The following WWOX variants were observed in gnomAD, a reference collection of about 807,000 sequenced individuals.
WWOX encodes WW domain containing oxidoreductase.
Under a neutral mutation model 46.2 loss-of-function variants are expected in WWOX, and 69 were observed. That is an observed-to-expected ratio of 1.49 (90% CI 1.23 to 1.82). The LOEUF is 1.82. Among genes scored for constraint, WWOX ranks in the 40% most tolerant of loss-of-function variants. WWOX has a pLI of 0.00. For missense variants in WWOX, 919 were observed against 542.6 expected (o/e 1.69, Z -6.89); for synonymous variants, 359 against 202.6 (o/e 1.77, Z -6.56).
At chr16:78,433,784 T>A in intron 8 of WWOX, among the ~76,000 whole-genome samples, 1 of 100,176 alleles carries the variant, frequency 1.0e-5, no homozygotes, top group Non-Finnish European at 1.8e-5. Context: ...TGACTTTTTT[T>A]TTTTTTTTTT....
At chr16:78,980,296 C>T (rs1363065232) in intron 8 of WWOX, among the ~76,000 whole-genome samples, 1 of 152,124 alleles carries the variant, frequency 6.6e-6, no homozygotes. Flanking sequence ...AGGTAGTTTG[C>T]CAAAGATGGC....
chr16:78,121,587 G>T, intron 4 of WWOX, among the ~76,000 whole-genome samples: 1 of 151,994 alleles, frequency 6.6e-6, no homozygotes, highest in East Asian at 1.9e-4. Context: ...TATAATAGGG[G>T]TGTGTGTATG....
intron 8 of WWOX, among the ~76,000 whole-genome samples, chr16:78,458,421 G>A (rs1457291569): frequency 6.6e-6 from 1 of 151,754 alleles, no homozygotes; most frequent in African/African-American, 2.4e-5. Flanking sequence ...CACCATGTTC[G>A]GCTAATGTTT....
intron 5 of WWOX, chr16:78,278,753 C>T (rs983920548): frequency 9.6e-6 from 11 of 1,148,774 alleles, no homozygotes; most frequent in Non-Finnish European, 1.4e-5. Flanking sequence ...ACTTCTATCT[C>T]GGTGATCTGA....
At chr16:79,125,983 T>G (rs1421379711) in intron 8 of WWOX, among the ~76,000 whole-genome samples, 2 of 152,218 alleles carry the variant, frequency 1.3e-5, no homozygotes, top group African/African-American at 4.8e-5. Context: ...AACACCTCTT[T>G]CAGTACATAC....
At chr16:78,124,089 T>C (rs184321443) in intron 4 of WWOX, 6 of 152,276 alleles carry the variant, frequency 3.9e-5, no homozygotes. Flanking sequence ...AGGAATACAC[T>C]TTGGCTTTAC....
intron 6 of WWOX, among the ~76,000 whole-genome samples, chr16:78,416,890 C>T (rs892632916): frequency 1.3e-5 from 2 of 152,148 alleles, no homozygotes; most frequent in Admixed American, 6.5e-5. Flanking sequence ...CACAGATTCA[C>T]AGGGGTGAAC....
chr16:78,629,879 A>T (rs1166827353), intron 8 of WWOX, among the ~76,000 whole-genome samples: 1 of 152,218 alleles, frequency 6.6e-6, no homozygotes, highest in Admixed American at 6.5e-5. Flanking sequence ...GTTTTTAGAA[A>T]ATTATCTAAG....
At chr16:78,308,921 CTA>C (rs2080182244) in intron 5 of WWOX, among the ~76,000 whole-genome samples, 1 of 152,134 alleles carries the variant, frequency 6.6e-6, no homozygotes, top group African/African-American at 2.4e-5. Context: ...TCAGACAGTC[CTA>C]TCTGTTGATC....
chr16:79,155,244 C>A (rs538586277), intron 8 of WWOX, among the ~76,000 whole-genome samples: 1 of 152,130 alleles, frequency 6.6e-6, no homozygotes, highest in South Asian at 2.1e-4. Flanking sequence ...GGCATGGTGG[C>A]GTGTGCCTGT....
chr16:78,923,584 G>T (rs1236732537), intron 8 of WWOX, among the ~76,000 whole-genome samples: 2 of 151,948 alleles, frequency 1.3e-5, no homozygotes, highest in African/African-American at 4.8e-5. Flanking sequence ...TGTGTTAGCA[G>T]CTTTTTCTAC....
intron 8 of WWOX, among the ~76,000 whole-genome samples, chr16:78,686,813 C>T (rs1597445443): frequency 6.6e-6 from 1 of 152,180 alleles, no homozygotes; most frequent in Admixed American, 6.5e-5. Context: ...AAACTGTTTT[C>T]TCTGGCCAGG....
At chr16:78,769,923 G>A (rs1814020441) in intron 8 of WWOX, among the ~76,000 whole-genome samples, 1 of 151,840 alleles carries the variant, frequency 6.6e-6, no homozygotes, top group African/African-American at 2.4e-5. Flanking sequence ...AGCATGTGGG[G>A]GTCCCAGCTA....
intron 5 of WWOX, chr16:78,266,074 C>G (rs1269495893): frequency 1.3e-5 from 2 of 152,142 alleles, no homozygotes; most frequent in African/African-American, 4.8e-5. Context: ...AACAATTTCC[C>G]CTGCATCAAA....
At chr16:78,183,298 G>A (rs1348448183) in intron 5 of WWOX, among the ~76,000 whole-genome samples, 1 of 152,190 alleles carries the variant, frequency 6.6e-6, no homozygotes, top group African/African-American at 2.4e-5. Context: ...AGCAAGGCCT[G>A]TATTATGGCC....
At chr16:79,016,648 C>A (rs1341997423) in intron 8 of WWOX, 1 of 148,338 alleles carries the variant, frequency 6.7e-6, no homozygotes, top group Non-Finnish European at 1.5e-5. Context: ...GTCTCAAACT[C>A]CTGACATCAG....
At chr16:78,772,747 G>T (rs1001116714) in intron 8 of WWOX, among the ~76,000 whole-genome samples, 1 of 152,158 alleles carries the variant, frequency 6.6e-6, no homozygotes, top group Non-Finnish European at 1.5e-5. Flanking sequence ...GGCTAGGCGC[G>T]GTGGCTCACA....
chr16:79,174,723 C>G (rs1045706777), intron 8 of WWOX, among the ~76,000 whole-genome samples: 6 of 152,094 alleles, frequency 3.9e-5, no homozygotes, highest in Non-Finnish European at 8.8e-5. Flanking sequence ...GAAATGAAGC[C>G]TAGATGGTTC....
Position 78,987,995 on chromosome 16 carries a change from A to C in WWOX, c.1057-223613A>C, listed in dbSNP as rs926600971. Among the ~76,000 whole-genome samples, 10 of 152,120 alleles carry C rather than the reference A, an allele frequency of 6.6e-5. No homozygotes were observed. In the East Asian group the frequency reaches 1.9e-3, roughly 29 times the overall value. ...AGTAATTTCAAGAAATTTTAATAACAAAGGGGCTATTTTATAAAGGGGGGG... is the reference window on the plus strand; with the variant it reads ...AGTAATTTCAAGAAATTTTAATAACCAAGGGGCTATTTTATAAAGGGGGGG... On this transcript the variant is annotated intron_variant, in intron 8 of 8. Coordinates refer to ENST00000566780, the MANE Select transcript of WWOX (RefSeq NM_016373.4).
Sources: gnomAD v4.1 joint callset for allele counts (sites outside exome capture counted in the v4.1 genomes callset) on GRCh38, gnomAD v4.1.1 for gene constraint, MANE v1.5 for transcripts, NCBI Gene and HGNC (gene_info 2026-07-23, HGNC 2026-07-21) for gene names.